Variants in NAA50 observed in about 807,000 individuals in gnomAD.
NAA50 encodes the protein N-alpha-acetyltransferase 50, NatE catalytic subunit.
Under a neutral mutation model 20.7 loss-of-function variants are expected in NAA50, and 7 were observed. That is an observed-to-expected ratio of 0.34 (90% confidence interval 0.19 to 0.63). NAA50 has a LOEUF of 0.63. NAA50 is among the 30% of genes least tolerant of loss of function. The pLI is 0.75. For missense variants in NAA50, 111 were observed against 199.1 expected (o/e 0.56, Z 2.66); for synonymous variants, 54 against 70.6 (o/e 0.77, Z 1.18).
intron 1 of NAA50, among the ~76,000 whole-genome samples, chr3:113,740,105 GT>G (rs568401152): frequency 1.3e-5 from 2 of 151,688 alleles, no homozygotes; most frequent in African/African-American, 2.4e-5. Context: ...TCCCTTAGAA[GT>G]TTTTTTTCAT....
rs142073711 is a variant in NAA50, at chr3:113,735,164, G to A, written c.8+10778C>T. Among the ~76,000 whole-genome samples the A allele has an allele frequency of 4.1e-4, 63 of 152,258 alleles. No individual in the cohort carries two copies. The Middle Eastern group carries it at 0.017, about 41-fold the overall frequency. ...TGTAAGAAACACTTGAATTTTAGAC[G>A]TAAAAGAACAGGAACCTACAAAGAT... On this transcript the variant is annotated intron_variant, in intron 1 of 4. Coordinates refer to ENST00000240922, the MANE Select transcript of NAA50 (RefSeq NM_025146.4).
intron 1 of NAA50, among the ~76,000 whole-genome samples, chr3:113,732,994 ATG>A (rs1315356855): frequency 6.6e-6 from 1 of 150,396 alleles, no homozygotes; most frequent in Non-Finnish European, 1.5e-5. Flanking sequence ...GATGTTGAGT[ATG>A]TTTTTGTATG....
chr3:113,733,408 T>G (rs936439110), intron 1 of NAA50, among the ~76,000 whole-genome samples: 21 of 152,130 alleles, frequency 1.4e-4, no homozygotes, highest in African/African-American at 5.1e-4. Flanking sequence ...CTGCAATTTG[T>G]GAACCTTTCT....
intron 1 of NAA50, among the ~76,000 whole-genome samples, chr3:113,728,764 CACTCCTGA>C (rs1387294806): frequency 6.6e-6 from 1 of 152,112 alleles, no homozygotes; most frequent in Non-Finnish European, 1.5e-5. Flanking sequence ...GCCTATAGTT[CACTCCTGA>C]ACTCTACATT....
At chr3:113,726,074 T>C (rs1158280665) in intron 1 of NAA50, among the ~76,000 whole-genome samples, 1 of 152,214 alleles carries the variant, frequency 6.6e-6, no homozygotes, top group Non-Finnish European at 1.5e-5. Flanking sequence ...CCTTGATTAT[T>C]TTTTATACCA....
At chr3:113,722,357 G>GC (rs1399206587) in intron 4 of NAA50, among the ~76,000 whole-genome samples, 1 of 152,004 alleles carries the variant, frequency 6.6e-6, no homozygotes, top group Non-Finnish European at 1.5e-5. Context: ...AATTAAAAAC[G>GC]CAAGCTTTCT....
chr3:113,745,915 GGGCCCTGCCC>G lies in NAA50; in HGVS notation c.8+17_8+26del, dbSNP rs1708491203. 6.2e-7 allele frequency: 1 copy of G among 1,600,996 alleles called. No homozygotes were observed. The highest frequency in any genetic ancestry group is 8.5e-7 in the Non-Finnish European group (1 of 1,177,386). On this transcript the variant is annotated intron_variant, in intron 1 of 4. Coordinates refer to ENST00000240922, the MANE Select transcript of NAA50 (RefSeq NM_025146.4). ...CCCGGACCCTTCTACCCCACCGGCC[GGGCCCTGCCC>G]GGCTGCCCTTCCTCACCCTTTCATC... is the stretch of plus-strand genomic sequence containing the variant.
intron 1 of NAA50, among the ~76,000 whole-genome samples, chr3:113,742,037 T>A (rs1294552395): frequency 6.6e-6 from 1 of 152,164 alleles, no homozygotes; most frequent in Non-Finnish European, 1.5e-5. Flanking sequence ...TTAAAAAAAC[T>A]TATGGTGTAA....
intron 4 of NAA50, 150 bp from the exon 5 acceptor site, chr3:113,722,087 T>C: frequency 1.5e-6 from 1 of 679,462 alleles, no homozygotes; most frequent in South Asian, 2.3e-5. Flanking sequence ...CTAAAACCTT[T>C]TGATGACAAT....
In NAA50 at chr3:113,721,690, G is replaced by C; in HGVS notation, c.*70C>G. ...GCTTTAAAAGAAAAGTGTTGGGGTG[G>C]GGGAGGAATCAATGGGCCTCTCTTT... On this transcript the variant is annotated 3_prime_UTR_variant, in exon 5 of 5. Transcript: ENST00000240922. The C allele has an allele frequency of 2.0e-6, 3 of 1,505,348 alleles. No homozygotes were observed. Among genetic ancestry groups the C allele is most frequent in the Non-Finnish European group, 2.8e-6 (3 of 1,086,482 alleles). The allele number at this position is 1,505,348 out of a possible 1,614,324, so 93.2% of individuals were successfully genotyped here. A position where few individuals can be genotyped will look rare whatever the true frequency, so the allele number is the denominator to read the frequency against.
chr3:113,723,602 TC>T (rs1404701561), intron 2 of NAA50, 61 bp from the exon 3 acceptor site: 11 of 1,517,116 alleles, frequency 7.3e-6, no homozygotes, highest in Non-Finnish European at 8.9e-6. Context: ...TTAATCTTTT[TC>T]CCTTTTAAAG....
In NAA50 at chr3:113,724,050, C is replaced by T; in HGVS notation, c.54G>A (p.Gln18=). 1.2e-6 allele frequency: 2 copies of T among 1,610,980 alleles called. No homozygotes were observed. Among genetic ancestry groups the T allele is most frequent in the Non-Finnish European group, 1.7e-6 (2 of 1,178,626 alleles). The change falls in exon 2 of 5, where the codon CAG becomes CAA. Residue 18 remains glutamine, a synonymous_variant. Transcript: ENST00000240922. ...AGATGACCTGATTCAATCTTTTCAA[C>T]TGTTTAATATTGTGTGGTGTCACAT... The part of the protein sequence containing the change: ...LGDVTPHNIK[Q]LKRLNQVIFP...
chr3:113,724,503 C>T (rs1261164739), intron 1 of NAA50: 2 of 153,376 alleles, frequency 1.3e-5, no homozygotes, highest in Non-Finnish European at 1.5e-5. Flanking sequence ...ATACCATGCA[C>T]ATTCTATTCA....
chr3:113,733,850 C>A (rs1708303277), intron 1 of NAA50, among the ~76,000 whole-genome samples: 2 of 79,702 alleles, frequency 2.5e-5, no homozygotes, highest in Non-Finnish European at 2.1e-5. Context: ...AAGACTCTGT[C>A]TCCAAAAAAA....
rs770056898 is a variant in NAA50, at chr3:113,723,415, T to C, written c.265+7A>G. ...TCTGAAGAAGTAAAAAAACCACAATTTTTTACCTATTCCTAGCCTTCGGTA... is the reference window on the plus strand; with the variant it reads ...TCTGAAGAAGTAAAAAAACCACAATCTTTTACCTATTCCTAGCCTTCGGTA... On this transcript the variant is annotated splice_region_variant and intron_variant, in intron 3 of 4. Coordinates refer to ENST00000240922, the MANE Select transcript of NAA50 (RefSeq NM_025146.4). The C allele has an allele frequency of 3.1e-6, 5 of 1,598,356 alleles. No homozygotes were observed. In the Admixed American group the frequency reaches 7.1e-5, roughly 23 times the overall value.
intron 1 of NAA50, among the ~76,000 whole-genome samples, chr3:113,744,606 C>T (rs1163217517): frequency 6.6e-6 from 1 of 152,160 alleles, no homozygotes; most frequent in Non-Finnish European, 1.5e-5. Flanking sequence ...CTTCCTATAC[C>T]CGTCAATTAT....
At chr3:113,723,357 C>A in intron 3 of NAA50, 65 bp downstream of exon 3, 1 of 1,468,434 alleles carries the variant, frequency 6.8e-7, no homozygotes, top group Non-Finnish European at 9.2e-7. Context: ...CTTACTAGGT[C>A]AGACACATTA....
At chr3:113,729,961 T>C (rs1708251610) in intron 1 of NAA50, among the ~76,000 whole-genome samples, 2 of 152,192 alleles carry the variant, frequency 1.3e-5, no homozygotes, top group African/African-American at 4.8e-5. Context: ...TAGCATATAG[T>C]TGGATCTTAT....
chr3:113,728,907 G>A (rs1487429577), intron 1 of NAA50, among the ~76,000 whole-genome samples: 1 of 151,944 alleles, frequency 6.6e-6, no homozygotes, highest in Non-Finnish European at 1.5e-5. Context: ...CTCCATCCTT[G>A]GCTGCAGTAT....
Sources: gnomAD v4.1 joint callset for allele counts (sites outside exome capture counted in the v4.1 genomes callset) on GRCh38, gnomAD v4.1.1 for gene constraint, MANE v1.5 for transcripts, NCBI Gene and HGNC (gene_info 2026-07-23, HGNC 2026-07-21) for gene names.